Variants in PPP1R9A observed in about 807,000 individuals in gnomAD.
PPP1R9A encodes the protein neurabin-1.
PPP1R9A carries 59 observed loss-of-function variants against 141.9 expected under a neutral mutation model. That is an observed-to-expected ratio of 0.42 (90% CI 0.34 to 0.52). The LOEUF (loss-of-function observed/expected upper bound fraction) is 0.52, where lower values mean the gene tolerates loss of function less well. PPP1R9A is among the 20% of genes least tolerant of loss of function. The probability of loss-of-function intolerance (pLI) is 0.10; values close to 1 mark genes in which losing one functional copy is unlikely to be tolerated. For synonymous variants in PPP1R9A, 500 were observed against 569.7 expected (o/e 0.88, Z 1.74); for missense variants, 1,444 against 1,611.9 (o/e 0.90, Z 1.78).
chr7:95,079,906 C>T (rs1170594837), intron 2 of PPP1R9A, among the ~76,000 whole-genome samples: 1 of 152,126 alleles, frequency 6.6e-6, no homozygotes, highest in African/African-American at 2.4e-5. Flanking sequence ...ATGCTAAAAA[C>T]TCAATAAATT....
intron 2 of PPP1R9A, among the ~76,000 whole-genome samples, chr7:94,961,712 A>G (rs1244530960): frequency 6.6e-6 from 1 of 151,878 alleles, no homozygotes; most frequent in Non-Finnish European, 1.5e-5. Context: ...GCAAAGTACT[A>G]TTTAAAGTAT....
intron 2 of PPP1R9A, among the ~76,000 whole-genome samples, chr7:94,954,881 A>T (rs1796915407): frequency 6.6e-6 from 1 of 151,224 alleles, no homozygotes; most frequent in Non-Finnish European, 1.5e-5. Flanking sequence ...ATATGTCCAC[A>T]TATGTTTGTA....
intron 7 of PPP1R9A, among the ~76,000 whole-genome samples, chr7:95,217,859 C>T (rs1359716854): frequency 7.9e-6 from 1 of 127,050 alleles, no homozygotes; most frequent in Non-Finnish European, 1.9e-5. Context: ...ATTCTTCTCT[C>T]TTTTATTTGT....
chr7:95,103,918 A>G (rs932651479), intron 2 of PPP1R9A, among the ~76,000 whole-genome samples: 9 of 152,070 alleles, frequency 5.9e-5, no homozygotes, highest in Non-Finnish European at 1.2e-4. Flanking sequence ...CATATATAAC[A>G]TAATATTTAT....
At chr7:95,281,656 G>A (rs1221384040) in intron 16 of PPP1R9A, among the ~76,000 whole-genome samples, 1 of 152,148 alleles carries the variant, frequency 6.6e-6, no homozygotes, top group Admixed American at 6.5e-5. Context: ...TTCAACTAAA[G>A]CAATGGAATG....
At chr7:95,085,041 A>G (rs1816419308) in intron 2 of PPP1R9A, among the ~76,000 whole-genome samples, 1 of 151,994 alleles carries the variant, frequency 6.6e-6, no homozygotes, top group East Asian at 1.9e-4. Context: ...ATGATTTACT[A>G]GTTCCTGTTT....
intron 2 of PPP1R9A, among the ~76,000 whole-genome samples, chr7:95,030,230 T>G (rs1304882204): frequency 6.6e-6 from 1 of 152,196 alleles, no homozygotes; most frequent in Non-Finnish European, 1.5e-5. Flanking sequence ...TATATCACAG[T>G]GTAGCTGGTC....
intron 2 of PPP1R9A, among the ~76,000 whole-genome samples, chr7:94,984,900 C>T (rs1038194464): frequency 1.3e-5 from 2 of 151,982 alleles, no homozygotes; most frequent in Admixed American, 6.6e-5. Context: ...GCTCTTGCTT[C>T]TCTAGTTCTT....
chr7:94,988,007 A>G (rs1801053338), intron 2 of PPP1R9A, among the ~76,000 whole-genome samples: 1 of 152,130 alleles, frequency 6.6e-6, no homozygotes, highest in Non-Finnish European at 1.5e-5. Context: ...TATTTATTTG[A>G]TTAAAAAAAT....
At chr7:95,051,181 CT>C (rs992642609) in intron 2 of PPP1R9A, among the ~76,000 whole-genome samples, 88 of 147,594 alleles carry the variant, frequency 6.0e-4, no homozygotes, top group African/African-American at 2.0e-3. Flanking sequence ...TTTATTGATT[CT>C]TTTTTTTTTC....
intron 6 of PPP1R9A, among the ~76,000 whole-genome samples, chr7:95,201,271 G>T (rs1362364818): frequency 1.3e-5 from 2 of 152,052 alleles, no homozygotes; most frequent in African/African-American, 4.8e-5. Flanking sequence ...TAAAAACGAG[G>T]TGCTTGCTAT....
chr7:94,947,816 A>C, intron 2 of PPP1R9A, among the ~76,000 whole-genome samples: 1 of 152,156 alleles, frequency 6.6e-6, no homozygotes, highest in East Asian at 1.9e-4. Context: ...ACAATAGGGG[A>C]AAATATGTAT....
At chr7:95,074,467 T>G (rs1295974221) in intron 2 of PPP1R9A, among the ~76,000 whole-genome samples, 2 of 110,770 alleles carry the variant, frequency 1.8e-5, no homozygotes, top group East Asian at 2.0e-4. Flanking sequence ...TTTTTTTTGT[T>G]TTTTTTTTTT....
Position 94,935,850 on chromosome 7 carries a change from G to A in PPP1R9A, c.1395+24342G>A, listed in dbSNP as rs999878489. ...TTTCATTCTGGAAACCAGAGATTGCGGATTTTAAATTTTCTTTTAATCTCC... is the reference window on the plus strand; with the variant it reads ...TTTCATTCTGGAAACCAGAGATTGCAGATTTTAAATTTTCTTTTAATCTCC... On this transcript the variant is annotated intron_variant, in intron 2 of 19. Coordinates refer to ENST00000433360, the MANE Select transcript of PPP1R9A (RefSeq NM_001166160.2). Among the ~76,000 whole-genome samples, 7 of 152,102 alleles carry A rather than the reference G, an allele frequency of 4.6e-5. No individual in the cohort carries two copies. The East Asian group carries it at 1.2e-3, about 25-fold the overall frequency.
chr7:94,928,138 A>G (rs1793709668), intron 2 of PPP1R9A, among the ~76,000 whole-genome samples: 1 of 152,142 alleles, frequency 6.6e-6, no homozygotes, highest in Admixed American at 6.6e-5. Flanking sequence ...TGAAGCTTTA[A>G]AGATGAATAA....
intron 2 of PPP1R9A, among the ~76,000 whole-genome samples, chr7:95,041,971 C>T (rs2151913513): frequency 6.6e-6 from 1 of 152,068 alleles, no homozygotes; most frequent in East Asian, 1.9e-4. Context: ...AATACATGGC[C>T]AGTAATGTAG....
intron 6 of PPP1R9A, among the ~76,000 whole-genome samples, chr7:95,202,192 G>A (rs1236666099): frequency 1.3e-5 from 2 of 152,086 alleles, no homozygotes; most frequent in Non-Finnish European, 2.9e-5. Flanking sequence ...TCATACTCTA[G>A]TAGAATTTAA....
At position 95,161,898 on chromosome 7, in the gene PPP1R9A, G is replaced by C; in HGVS notation, c.1681G>C (p.Asp561His). The change falls in exon 5 of 20, where the codon GAT becomes CAT. Residue 561 changes from aspartate to histidine, a missense_variant. This residue lies in a region of PPP1R9A where 488 missense variants were observed against 542.0 expected (regional missense o/e 0.90). Transcript: ENST00000433360. ...AGTCAATGACCAGATTGTGGAAGTG[G>C]ATGGAATCAGCTTGGTGGGTGTGAC... The part of the protein sequence containing the change: ...IQVNDQIVEV[D>H]GISLVGVTQN... The C allele has an allele frequency of 6.2e-7, 1 of 1,610,608 alleles. No homozygotes were observed. Among genetic ancestry groups the C allele is most frequent in the Non-Finnish European group, 8.5e-7 (1 of 1,177,998 alleles).
At chr7:94,944,244 C>T (rs1253262210) in intron 2 of PPP1R9A, among the ~76,000 whole-genome samples, 1 of 151,974 alleles carries the variant, frequency 6.6e-6, no homozygotes, top group Non-Finnish European at 1.5e-5. Context: ...TCTGATGACA[C>T]TTCCTCATTG....
Sources: gnomAD v4.1 joint callset for allele counts (sites outside exome capture counted in the v4.1 genomes callset) on GRCh38, gnomAD v4.1.1 for gene constraint, gnomAD v4.1.1 regional missense constraint, MANE v1.5 for transcripts, NCBI Gene and HGNC (gene_info 2026-07-23, HGNC 2026-07-21) for gene names.